SLC24A3: variants seen among roughly 807,000 people sequenced by gnomAD.
The protein encoded by SLC24A3 is sodium/potassium/calcium exchanger 3.
In SLC24A3, 28 loss-of-function variants were observed where a neutral mutation model predicts 75.8. That is an observed-to-expected ratio of 0.37 (90% CI 0.27 to 0.51). SLC24A3 has a LOEUF of 0.51. SLC24A3 is among the 20% of genes least tolerant of loss of function. SLC24A3 has a pLI of 0.94. For missense variants in SLC24A3, 663 were observed against 847.8 expected (o/e 0.78, Z 2.71); for synonymous variants, 372 against 334.1 (o/e 1.11, Z -1.24).
At chr20:19,310,118 C>T (rs1984423343) in intron 2 of SLC24A3, among the ~76,000 whole-genome samples, 1 of 152,242 alleles carries the variant, frequency 6.6e-6, no homozygotes, top group African/African-American at 2.4e-5. Flanking sequence ...GGCTACTTCA[C>T]CTAGGTGTCA....
chr20:19,697,045 G>A, intron 14 of SLC24A3, 134 bp downstream of exon 14: 2 of 634,282 alleles, frequency 3.2e-6, no homozygotes, highest in East Asian at 2.8e-5. Flanking sequence ...GAAAGAGGGA[G>A]GGAGGGAGTG....
intron 1 of SLC24A3, among the ~76,000 whole-genome samples, chr20:19,222,514 A>G (rs1408405673): frequency 6.6e-6 from 1 of 152,140 alleles, no homozygotes; most frequent in Admixed American, 6.6e-5. Context: ...TTTCCCAGAG[A>G]AAGATCACTC....
At chr20:19,424,110 A>T (rs1323416078) in intron 2 of SLC24A3, among the ~76,000 whole-genome samples, 2 of 152,186 alleles carry the variant, frequency 1.3e-5, no homozygotes, top group African/African-American at 4.8e-5. Flanking sequence ...TGGCTGGTGC[A>T]AGGGAGGCCA....
intron 2 of SLC24A3, among the ~76,000 whole-genome samples, chr20:19,412,837 T>A (rs1294397224): frequency 6.6e-6 from 1 of 152,208 alleles, no homozygotes; most frequent in Non-Finnish European, 1.5e-5. Context: ...ATTCAGCCCC[T>A]AAACTCCCAG....
intron 13 of SLC24A3, 149 bp downstream of exon 13, chr20:19,693,574 G>T (rs6136813): frequency 0.28 from 274,521 of 990,300 alleles, 40,363 homozygotes; most frequent in African/African-American, 0.5. Context: ...TAGTAGTTTA[G>T]AATTGCAGGC....
intron 1 of SLC24A3, among the ~76,000 whole-genome samples, chr20:19,280,507 G>A (rs111711878): frequency 1.4e-4 from 22 of 152,242 alleles, no homozygotes; most frequent in African/African-American, 3.6e-4. Flanking sequence ...CATCTCTTCC[G>A]AATACCATTT....
intron 1 of SLC24A3, among the ~76,000 whole-genome samples, chr20:19,230,267 G>A (rs771436601): frequency 1.3e-5 from 2 of 152,096 alleles, no homozygotes; most frequent in African/African-American, 2.4e-5. Context: ...CTGAAGGGGT[G>A]GTTGTTGTGC....
chr20:19,550,543 T>C (rs1169976342), intron 3 of SLC24A3, among the ~76,000 whole-genome samples: 1 of 152,148 alleles, frequency 6.6e-6, no homozygotes, highest in Non-Finnish European at 1.5e-5. Flanking sequence ...GATACATGTG[T>C]GAGTGTGTGT....
At chr20:19,633,296 CCT>C (rs1473595918) in intron 6 of SLC24A3, among the ~76,000 whole-genome samples, 2 of 152,180 alleles carry the variant, frequency 1.3e-5, no homozygotes, top group African/African-American at 4.8e-5. Flanking sequence ...CTGTCTTCTC[CCT>C]GTGTCTTCAC....
intron 2 of SLC24A3, among the ~76,000 whole-genome samples, chr20:19,496,176 C>T (rs886807326): frequency 3.3e-5 from 5 of 152,140 alleles, no homozygotes; most frequent in African/African-American, 1.2e-4. Context: ...CACTTCTGGC[C>T]TCACCCGCTT....
intron 2 of SLC24A3, among the ~76,000 whole-genome samples, chr20:19,436,869 T>C (rs972627137): frequency 6.6e-6 from 1 of 152,180 alleles, no homozygotes; most frequent in African/African-American, 2.4e-5. Flanking sequence ...ATGTCTCCAC[T>C]TTTGATCAAT....
intron 7 of SLC24A3, among the ~76,000 whole-genome samples, chr20:19,663,693 C>T (rs1359872866): frequency 1.3e-5 from 2 of 151,828 alleles, no homozygotes; most frequent in African/African-American, 4.8e-5. Context: ...AAGCCACAAC[C>T]ATCCTCTTGA....
chr20:19,563,075 A>C (rs912572375), intron 3 of SLC24A3, among the ~76,000 whole-genome samples: 1 of 152,164 alleles, frequency 6.6e-6, no homozygotes, highest in Non-Finnish European at 1.5e-5. Context: ...GGTGTTGCTT[A>C]ACTTGGATCT....
At chr20:19,493,939 G>T (rs1475223191) in intron 2 of SLC24A3, among the ~76,000 whole-genome samples, 1 of 152,218 alleles carries the variant, frequency 6.6e-6, no homozygotes, top group African/African-American at 2.4e-5. Context: ...CGGGTGTCTT[G>T]CTGGACACTG....
chr20:19,673,798 G>T, intron 9 of SLC24A3, 144 bp downstream of exon 9: 1 of 661,398 alleles, frequency 1.5e-6, no homozygotes, highest in Admixed American at 2.4e-5. Context: ...CCAGACTGTT[G>T]TGAGTCACTG....
intron 1 of SLC24A3, among the ~76,000 whole-genome samples, chr20:19,214,395 T>G (rs1197926283): frequency 1.3e-5 from 2 of 152,216 alleles, no homozygotes; most frequent in Non-Finnish European, 2.9e-5. Flanking sequence ...ACTGACAGTC[T>G]CACTAAGGGG....
chr20:19,521,597 C>T (rs1297143819), intron 3 of SLC24A3, among the ~76,000 whole-genome samples: 1 of 152,212 alleles, frequency 6.6e-6, no homozygotes, highest in Non-Finnish European at 1.5e-5. Context: ...GCTCCTCTTT[C>T]AGGTCTGGGG....
At chr20:19,271,549 G>A (rs1983330098) in intron 1 of SLC24A3, among the ~76,000 whole-genome samples, 1 of 152,196 alleles carries the variant, frequency 6.6e-6, no homozygotes, top group South Asian at 2.1e-4. Context: ...CATGTTTATA[G>A]CAGCACAATT....
intron 2 of SLC24A3, among the ~76,000 whole-genome samples, chr20:19,480,236 G>T (rs1455799628): frequency 6.6e-6 from 1 of 152,198 alleles, no homozygotes; most frequent in East Asian, 1.9e-4. Flanking sequence ...GCACTTGGGT[G>T]CCTGGCCTTA....
Sources: gnomAD v4.1 joint callset for allele counts (sites outside exome capture counted in the v4.1 genomes callset) on GRCh38, gnomAD v4.1.1 for gene constraint, MANE v1.5 for transcripts, NCBI Gene and HGNC (gene_info 2026-07-23, HGNC 2026-07-21) for gene names.